CTNNA3: variants seen among roughly 807,000 people sequenced by gnomAD.
CTNNA3 encodes catenin alpha-3.
In CTNNA3, 76 loss-of-function variants were observed where a neutral mutation model predicts 95.7. The observed-to-expected ratio is 0.79, with a 90% confidence interval of 0.66 to 0.96. CTNNA3 has a LOEUF of 0.96. Ranked by LOEUF, CTNNA3 falls within the 40% of genes least tolerant of loss-of-function variation. CTNNA3 has a pLI of 0.00. For missense variants in CTNNA3, 1,191 were observed against 1,089.8 expected (o/e 1.09, Z -1.31); for synonymous variants, 431 against 374.4 (o/e 1.15, Z -1.74).
intron 12 of CTNNA3, among the ~76,000 whole-genome samples, chr10:66,369,469 T>G (rs889394769): frequency 6.6e-6 from 1 of 152,158 alleles, no homozygotes; most frequent in Non-Finnish European, 1.5e-5. Flanking sequence ...GCAATCTTTC[T>G]TCATTGATGA....
At chr10:66,423,062 A>T (rs1448447365) in intron 11 of CTNNA3, among the ~76,000 whole-genome samples, 1 of 152,000 alleles carries the variant, frequency 6.6e-6, no homozygotes, top group East Asian at 1.9e-4. Flanking sequence ...TCCCTGTCCA[A>T]CTCCAACTCT....
intron 15 of CTNNA3, among the ~76,000 whole-genome samples, chr10:66,050,549 A>G (rs898097227): frequency 6.6e-6 from 1 of 152,060 alleles, no homozygotes; most frequent in Non-Finnish European, 1.5e-5. Context: ...ATCCTGCCTC[A>G]GCCTCTTCAC....
chr10:67,095,064 G>GTATA (rs77595743), intron 7 of CTNNA3, among the ~76,000 whole-genome samples: 82,382 of 150,212 alleles, frequency 0.55, 24,164 homozygotes, highest in African/African-American at 0.77. Flanking sequence ...GTATCTGTAT[G>GTATA]TGTGTACCCC....
intron 10 of CTNNA3, among the ~76,000 whole-genome samples, chr10:66,528,138 C>G (rs1841335230): frequency 6.6e-6 from 1 of 152,104 alleles, no homozygotes; most frequent in Non-Finnish European, 1.5e-5. Context: ...ATCCTCATTT[C>G]TCTTTCCTCA....
intron 7 of CTNNA3, among the ~76,000 whole-genome samples, chr10:66,802,132 C>A (rs1306478476): frequency 1.3e-5 from 2 of 151,594 alleles, no homozygotes; most frequent in African/African-American, 4.8e-5. Flanking sequence ...GAGCAAAGAG[C>A]TTCTTGAAGA....
chr10:66,579,078 C>G (rs906329603), intron 10 of CTNNA3, among the ~76,000 whole-genome samples: 2 of 150,942 alleles, frequency 1.3e-5, no homozygotes, highest in African/African-American at 4.9e-5. Flanking sequence ...GGGTGAATTT[C>G]CAGGAATTTA....
intron 9 of CTNNA3, among the ~76,000 whole-genome samples, chr10:66,698,903 A>T (rs1847853362): frequency 6.6e-6 from 1 of 152,246 alleles, no homozygotes; most frequent in Non-Finnish European, 1.5e-5. Context: ...TGAGGACACT[A>T]ACAAAAGTAT....
At chr10:66,605,957 A>G (rs1844106973) in intron 10 of CTNNA3, among the ~76,000 whole-genome samples, 1 of 152,196 alleles carries the variant, frequency 6.6e-6, no homozygotes, top group Non-Finnish European at 1.5e-5. Flanking sequence ...ACATACCAAT[A>G]CTAACCTTAA....
chr10:67,406,189 C>A (rs890423669), intron 5 of CTNNA3, among the ~76,000 whole-genome samples: 1 of 152,168 alleles, frequency 6.6e-6, no homozygotes, highest in African/African-American at 2.4e-5. Flanking sequence ...CTGAGGCCTC[C>A]CCAGCCATGT....
intron 11 of CTNNA3, among the ~76,000 whole-genome samples, chr10:66,384,758 C>T (rs1284657387): frequency 6.6e-6 from 1 of 152,068 alleles, no homozygotes; most frequent in African/African-American, 2.4e-5. Context: ...ACCACAGTGC[C>T]ATCAAATTAG....
intron 15 of CTNNA3, among the ~76,000 whole-genome samples, chr10:66,063,306 C>CTATA (rs568701925): frequency 7.4e-6 from 1 of 135,050 alleles, no homozygotes; most frequent in African/African-American, 2.7e-5. Context: ...ATCTCTCTCT[C>CTATA]TATATATATA....
At chr10:67,486,641 G>A (rs957861168) in intron 5 of CTNNA3, among the ~76,000 whole-genome samples, 1 of 152,108 alleles carries the variant, frequency 6.6e-6, no homozygotes, top group Admixed American at 6.6e-5. Flanking sequence ...GAAATAATAA[G>A]TAAAGTGATT....
At chr10:66,920,264 A>G (rs1434516424) in intron 7 of CTNNA3, among the ~76,000 whole-genome samples, 1 of 152,234 alleles carries the variant, frequency 6.6e-6, no homozygotes, top group Non-Finnish European at 1.5e-5. Flanking sequence ...AAAAATCCTT[A>G]AAAGTTTATA....
At chr10:67,560,753 C>G (rs1841477936) in intron 3 of CTNNA3, among the ~76,000 whole-genome samples, 1 of 152,020 alleles carries the variant, frequency 6.6e-6, no homozygotes, top group South Asian at 2.1e-4. Context: ...ATCTCTTGTG[C>G]AGAGACACAC....
chr10:67,011,607 A>G (rs1852343735), intron 7 of CTNNA3, among the ~76,000 whole-genome samples: 1 of 152,092 alleles, frequency 6.6e-6, no homozygotes, highest in Non-Finnish European at 1.5e-5. Flanking sequence ...TTTCCCTAAA[A>G]TTTTTAGTAG....
chr10:67,096,216 T>G (rs76693607), intron 7 of CTNNA3, among the ~76,000 whole-genome samples: 1 of 151,846 alleles, frequency 6.6e-6, no homozygotes, highest in Non-Finnish European at 1.5e-5. Context: ...TTTATTTTTT[T>G]GATTACTTTT....
chr10:66,867,843 G>A (rs531378296), intron 7 of CTNNA3, among the ~76,000 whole-genome samples: 2 of 148,344 alleles, frequency 1.3e-5, no homozygotes, highest in Admixed American at 6.8e-5. Context: ...TTCTCTTCAC[G>A]TGTCTGCCAC....
At chr10:66,774,404 G>A (rs944230936) in intron 8 of CTNNA3, among the ~76,000 whole-genome samples, 1 of 152,110 alleles carries the variant, frequency 6.6e-6, no homozygotes, top group Non-Finnish European at 1.5e-5. Context: ...CATTTGCATC[G>A]TAAGACAGGT....
At chr10:66,660,023 A>T (rs561317085) in intron 9 of CTNNA3, among the ~76,000 whole-genome samples, 1 of 152,166 alleles carries the variant, frequency 6.6e-6, no homozygotes, top group African/African-American at 2.4e-5. Flanking sequence ...GGTCTCACTA[A>T]GTTGCTCAGG....
Sources: allele counts gnomAD v4.1 joint callset (sites outside exome capture counted in the v4.1 genomes callset), GRCh38; gene constraint gnomAD v4.1.1; transcripts MANE v1.5; gene names NCBI Gene and HGNC (gene_info 2026-07-23, HGNC 2026-07-21).